Variants in NPSR1 observed in about 807,000 individuals in gnomAD.
The protein encoded by NPSR1 is neuropeptide S receptor 1, also known as neuropeptide S receptor.
NPSR1 carries 48 observed loss-of-function variants against 46.9 expected under a neutral mutation model. The observed-to-expected ratio is 1.02, with a 90% CI of 0.81 to 1.30. The LOEUF (loss-of-function observed/expected upper bound fraction) is 1.30, where lower values mean the gene tolerates loss of function less well. Among genes scored for constraint, NPSR1 ranks in the 50% most tolerant of loss-of-function variants. The pLI is 0.00. For synonymous variants in NPSR1, 176 were observed against 168.1 expected, an observed-to-expected ratio of 1.05 and a Z score of -0.36; for missense variants, 450 against 449.5, an observed-to-expected ratio of 1.00 and a Z score of -0.01.
chr7:34,848,477 C>T lies in NPSR1; in HGVS notation c.845-6C>T. ...CTGTGATGCTAATGGCTCTCTTCTC[C>T]CCCAGCCTTCATCTGCTGTTGGAGT... On this transcript the variant is annotated splice_polypyrimidine_tract_variant and splice_region_variant and intron_variant, in intron 7 of 8. Transcript: ENST00000360581. 6.2e-7 allele frequency: 1 copy of T among 1,613,708 alleles called. No individual in the cohort carries two copies. The highest frequency in any genetic ancestry group is 2.2e-5 in the East Asian group (1 of 44,874).
rs150847959 is a variant in NPSR1, at chr7:34,723,603, T to A, written c.280+38919T>A. On this transcript the variant is annotated intron_variant, in intron 2 of 8. Coordinates refer to ENST00000360581, the MANE Select transcript of NPSR1 (RefSeq NM_207172.2). ...GTTTAGCAGACATTTGAAGTAGAAA[T>A]AGGTCACTGGGATTTCCATTTCAAA... 1.3e-3 allele frequency among the ~76,000 whole-genome samples: 204 copies of A among 152,182 alleles called. 2 individuals are homozygous for A. Among genetic ancestry groups the A allele is most frequent in the African/African-American group, 4.3e-3 (180 of 41,538 alleles).
At chr7:34,840,336 T>C (rs1223319237) in intron 6 of NPSR1, among the ~76,000 whole-genome samples, 1 of 152,034 alleles carries the variant, frequency 6.6e-6, no homozygotes, top group African/African-American at 2.4e-5. Context: ...AAGTTCTGGG[T>C]CACAGAAGAA....
At chr7:34,712,121 A>C (rs1466409701) in intron 2 of NPSR1, among the ~76,000 whole-genome samples, 4 of 152,086 alleles carry the variant, frequency 2.6e-5, no homozygotes, top group Admixed American at 1.3e-4. Flanking sequence ...TATTTACGTT[A>C]TCTCTCCCAC....
chr7:34,806,179 G>A (rs140331140), intron 3 of NPSR1, among the ~76,000 whole-genome samples: 23 of 152,202 alleles, frequency 1.5e-4, no homozygotes, highest in African/African-American at 5.3e-4. Flanking sequence ...GTAAGGCTAT[G>A]TATTTACTCA....
At chr7:34,760,238 C>T (rs1786100985) in intron 2 of NPSR1, among the ~76,000 whole-genome samples, 1 of 152,210 alleles carries the variant, frequency 6.6e-6, no homozygotes, top group Non-Finnish European at 1.5e-5. Flanking sequence ...TTAAGACACA[C>T]CATCTCATCC....
intron 3 of NPSR1, among the ~76,000 whole-genome samples, chr7:34,780,925 G>A (rs1417242026): frequency 6.6e-6 from 1 of 152,136 alleles, no homozygotes; most frequent in Admixed American, 6.6e-5. Flanking sequence ...CTTTGCTTAT[G>A]ACAAAGGTAT....
intron 2 of NPSR1, chr7:34,719,806 C>T (rs1783757953): frequency 6.6e-6 from 1 of 152,056 alleles, no homozygotes; most frequent in Non-Finnish European, 1.5e-5. Flanking sequence ...CATTTTCTCA[C>T]TTCTAGAAGA....
intron 2 of NPSR1, among the ~76,000 whole-genome samples, chr7:34,691,546 GC>G (rs1157102221): frequency 6.6e-6 from 1 of 152,040 alleles, no homozygotes; most frequent in Non-Finnish European, 1.5e-5. Context: ...GGGAAAAAAA[GC>G]AAGCAGGAGT....
intron 2 of NPSR1, among the ~76,000 whole-genome samples, chr7:34,757,186 C>T (rs1785908483): frequency 6.6e-6 from 1 of 152,160 alleles, no homozygotes; most frequent in Admixed American, 6.5e-5. Context: ...TATTTAATTA[C>T]AATTGCATCA....
chr7:34,735,551 T>A (rs1386501978), intron 2 of NPSR1, among the ~76,000 whole-genome samples: 1 of 152,192 alleles, frequency 6.6e-6, no homozygotes, highest in African/African-American at 2.4e-5. Context: ...ATTAGTAGAA[T>A]ATAAGAGCTG....
chr7:34,662,074 A>G (rs1396827276), intron 1 of NPSR1, among the ~76,000 whole-genome samples: 1 of 152,146 alleles, frequency 6.6e-6, no homozygotes, highest in Non-Finnish European at 1.5e-5. Context: ...TGGGAGGGAG[A>G]CCTGTCTTGA....
intron 5 of NPSR1, among the ~76,000 whole-genome samples, chr7:34,831,516 T>C (rs567685998): frequency 2.0e-5 from 3 of 151,622 alleles, no homozygotes; most frequent in South Asian, 4.2e-4. Flanking sequence ...GAGAGGCAGT[T>C]GTATTGTTGG....
chr7:34,786,190 T>C (rs1201759436), intron 3 of NPSR1, among the ~76,000 whole-genome samples: 21 of 152,182 alleles, frequency 1.4e-4, no homozygotes, highest in Admixed American at 1.4e-3. Context: ...CAAATATGTT[T>C]ATGTACTAGT....
At chr7:34,839,413 C>T (rs556519808) in intron 6 of NPSR1, among the ~76,000 whole-genome samples, 14 of 152,210 alleles carry the variant, frequency 9.2e-5, no homozygotes, top group Middle Eastern at 3.4e-3. Flanking sequence ...AGAGAAAGTT[C>T]GGTTTACCAA....
chr7:34,793,024 A>C (rs1788011247), intron 3 of NPSR1, among the ~76,000 whole-genome samples: 1 of 151,722 alleles, frequency 6.6e-6, no homozygotes, highest in Non-Finnish European at 1.5e-5. Flanking sequence ...GTCTCTACAA[A>C]AAGTAAAAAT....
Position 34,751,317 on chromosome 7 carries a change from G to A in NPSR1, c.281-27145G>A, listed in dbSNP as rs1391067898. The A allele has an allele frequency of 7.9e-6, 8 of 1,009,180 alleles. No homozygotes were observed. The Admixed American group carries it at 1.2e-4, about 15-fold the overall frequency. 62.5% of individuals were successfully genotyped at this position (1,009,180 alleles called of 1,614,324 possible). On this transcript the variant is annotated intron_variant, in intron 2 of 8. Coordinates refer to ENST00000360581, the MANE Select transcript of NPSR1 (RefSeq NM_207172.2). Reference sequence around the variant, plus strand: ...GCTGGGAGTTGCAGAAAGTGGTACTGATCATGCAGAACTTGCCAAGGGTAG... The same window carrying A: ...GCTGGGAGTTGCAGAAAGTGGTACTAATCATGCAGAACTTGCCAAGGGTAG...
At chr7:34,691,222 A>C (rs2128689615) in intron 2 of NPSR1, among the ~76,000 whole-genome samples, 2 of 152,330 alleles carry the variant, frequency 1.3e-5, no homozygotes, top group East Asian at 3.9e-4. Flanking sequence ...AGATATGCTC[A>C]AAGGAGTTCT....
chr7:34,793,383 A>G (rs1279265276), intron 3 of NPSR1, among the ~76,000 whole-genome samples: 1 of 152,166 alleles, frequency 6.6e-6, no homozygotes, highest in Non-Finnish European at 1.5e-5. Flanking sequence ...ACCCAATCCA[A>G]AAAATGGGCA....
chr7:34,711,769 G>A (rs1783300655), intron 2 of NPSR1, among the ~76,000 whole-genome samples: 1 of 152,202 alleles, frequency 6.6e-6, no homozygotes, highest in Non-Finnish European at 1.5e-5. Context: ...TGTTTGGGTG[G>A]TTGAGACTTG....
Sources: gnomAD v4.1 joint callset for allele counts (sites outside exome capture counted in the v4.1 genomes callset) on GRCh38, gnomAD v4.1.1 for gene constraint, MANE v1.5 for transcripts, NCBI Gene and HGNC (gene_info 2026-07-23, HGNC 2026-07-21) for gene names.